The following TDRD3 variants were observed in gnomAD, a reference collection of about 807,000 sequenced individuals.
The protein encoded by TDRD3 is tudor domain-containing protein 3.
In TDRD3, 45 loss-of-function variants were observed where a neutral mutation model predicts 86.7. The ratio of observed to expected loss-of-function variants is 0.52; its 90% CI spans 0.41 to 0.67. The LOEUF (loss-of-function observed/expected upper bound fraction) is 0.67. Ranked by LOEUF, TDRD3 falls within the 30% of genes least tolerant of loss-of-function variation. TDRD3 has a pLI of 0.00. For missense variants in TDRD3, 814 were observed against 889.0 expected (o/e 0.92, Z 1.07); for synonymous variants, 298 against 301.7 (o/e 0.99, Z 0.13).
At chr13:60,395,936 A>C (rs1000900604), upstream of TDRD3, among the ~76,000 whole-genome samples, 1 of 152,236 alleles carries the variant, frequency 6.6e-6, no homozygotes, top group Non-Finnish European at 1.5e-5. Context: ...AGCAAATCTC[A>C]ATAGCATTCC....
At chr13:60,497,024 C>T (rs139879259) in intron 8 of TDRD3, among the ~76,000 whole-genome samples, 30 of 152,252 alleles carry the variant, frequency 2.0e-4, no homozygotes, top group South Asian at 6.2e-4. Context: ...TCAATTAGGA[C>T]GAACCGGGGA....
intron 2 of TDRD3, among the ~76,000 whole-genome samples, 153 bp downstream of exon 2, chr13:60,439,925 TTAA>T (rs1203986236): frequency 6.6e-5 from 10 of 152,186 alleles, no homozygotes; most frequent in African/African-American, 2.4e-4. Flanking sequence ...TTTGTTGAAT[TTAA>T]TAATCTCATA....
intron 1 of TDRD3, among the ~76,000 whole-genome samples, chr13:60,438,883 TA>T (rs5804003): frequency 0.11 from 17,028 of 152,036 alleles, 1,292 homozygotes; most frequent in African/African-American, 0.21. Flanking sequence ...ATACTGATTA[TA>T]AAAAATGTGA....
At chr13:60,400,137 T>G in intron 1 of TDRD3, among the ~76,000 whole-genome samples, 1 of 152,358 alleles carries the variant, frequency 6.6e-6, no homozygotes, top group African/African-American at 2.4e-5. Context: ...ATGCACTAAA[T>G]GGTACCTTGT....
chr13:60,426,174 A>C (rs919031438), intron 1 of TDRD3, among the ~76,000 whole-genome samples: 5 of 152,214 alleles, frequency 3.3e-5, no homozygotes, highest in Non-Finnish European at 7.3e-5. Flanking sequence ...AGCCAGACAC[A>C]GAAAGAAAAG....
chr13:60,396,046 C>T (rs1194212916), upstream of TDRD3, among the ~76,000 whole-genome samples: 1 of 152,182 alleles, frequency 6.6e-6, no homozygotes, highest in Non-Finnish European at 1.5e-5. Context: ...GGAATTTTAG[C>T]TCCACCCAGG....
At chr13:60,463,457 A>C (rs1955846695) in intron 4 of TDRD3, among the ~76,000 whole-genome samples, 1 of 152,006 alleles carries the variant, frequency 6.6e-6, no homozygotes, top group African/African-American at 2.4e-5. Context: ...CTGGGCAAAA[A>C]TTTTTTGGAT....
Position 60,458,657 on chromosome 13 carries a change from A to G in TDRD3, c.193-1723A>G, listed in dbSNP as rs75601805. Among the ~76,000 whole-genome samples the G allele has an allele frequency of 8.0e-3, 1,212 of 152,314 alleles. 20 individuals carry two copies. Among genetic ancestry groups the G allele is most frequent in the African/African-American group, 0.027 (1,137 of 41,558 alleles). On this transcript the variant is annotated intron_variant, in intron 3 of 13. Transcript: ENST00000377881. ...GGCCTAGATCATCACCAACTGTGTG[A>G]TGGTTTTTTTGCAATGATGAAAGTG...
chr13:60,557,820 ATTTTTTTTTTTT>A (rs749028045), intron 12 of TDRD3, among the ~76,000 whole-genome samples: 1 of 88,252 alleles, frequency 1.1e-5, no homozygotes, highest in African/African-American at 4.1e-5. Context: ...TTTTTTCCTG[ATTTTTTTTTTTT>A]TTTTTTTTTT....
intron 3 of TDRD3, among the ~76,000 whole-genome samples, chr13:60,450,058 A>G (rs1469245085): frequency 2.0e-5 from 3 of 152,126 alleles, no homozygotes; most frequent in Non-Finnish European, 4.4e-5. Flanking sequence ...CATGTTAAAT[A>G]ATTTATATGT....
chr13:60,411,213 A>G (rs1954357108), intron 1 of TDRD3, among the ~76,000 whole-genome samples: 1 of 152,234 alleles, frequency 6.6e-6, no homozygotes, highest in African/African-American at 2.4e-5. Flanking sequence ...ATATAATTAG[A>G]TGTAGTTTCT....
chr13:60,467,380 G>A lies in TDRD3; in HGVS notation c.495+1G>A. On this transcript the variant is annotated splice_donor_variant, in intron 5 of 13. Transcript: ENST00000377881. LOFTEE classifies it high-confidence loss of function. ...TATTGAGAAATGGGAGTTACAGAGAGTAAGTGTAAACTATGGCTTGAACTT... is the reference window on the plus strand; with the variant it reads ...TATTGAGAAATGGGAGTTACAGAGAATAAGTGTAAACTATGGCTTGAACTT... 2.5e-6 allele frequency: 4 copies of A among 1,613,110 alleles called. No individual in the cohort carries two copies. Among genetic ancestry groups the A allele is most frequent in the Non-Finnish European group, 3.4e-6 (4 of 1,179,578 alleles).
At chr13:60,421,411 C>T (rs1293393130) in intron 1 of TDRD3, among the ~76,000 whole-genome samples, 5 of 152,214 alleles carry the variant, frequency 3.3e-5, no homozygotes, top group African/African-American at 1.2e-4. Context: ...GATTCAATTA[C>T]TTCCCACTGG....
At position 60,491,513 on chromosome 13, in the gene TDRD3, G is replaced by T. The variant is rs528394799; in HGVS notation, c.718-2922G>T. The stretch of plus-strand genomic sequence containing the variant: ...GATGGCAGAAGTGGAACCAGCCAAG[G>T]TGTGACCAGTAACAGGATAAAAACA... On this transcript the variant is annotated intron_variant, in intron 7 of 13. Transcript: ENST00000377881. Among the ~76,000 whole-genome samples, 13 of 152,292 alleles carry T rather than the reference G, an allele frequency of 8.5e-5. 1 individual carries two copies. In the South Asian group the frequency reaches 1.9e-3, roughly 22 times the overall value.
At chr13:60,493,186 A>G (rs919995489) in intron 7 of TDRD3, among the ~76,000 whole-genome samples, 4 of 151,646 alleles carry the variant, frequency 2.6e-5, no homozygotes, top group African/African-American at 9.7e-5. Context: ...CCAAAGTGCT[A>G]GGATTACAGG....
chr13:60,406,688 G>T (rs1954242430), intron 1 of TDRD3, among the ~76,000 whole-genome samples: 1 of 152,100 alleles, frequency 6.6e-6, no homozygotes, highest in African/African-American at 2.4e-5. Flanking sequence ...AACAGAAAAT[G>T]GACATATCTT....
chr13:60,480,130 TC>T (rs1166483452), intron 5 of TDRD3, among the ~76,000 whole-genome samples: 3 of 152,192 alleles, frequency 2.0e-5, no homozygotes, highest in Non-Finnish European at 4.4e-5. Context: ...ATGACAGGTA[TC>T]ATTTCTTCAT....
chr13:60,397,321 A>AAAACC lies in TDRD3; in HGVS notation c.-44_-43insAAACC. 1.8e-6 allele frequency: 2 copies of AAAACC among 1,113,166 alleles called. No individual in the cohort carries two copies. Among genetic ancestry groups the AAAACC allele is most frequent in the Non-Finnish European group, 2.4e-6 (2 of 829,452 alleles). The allele number at this position is 1,113,166 out of a possible 1,614,324, so 69.0% of individuals were successfully genotyped here. A position where few individuals can be genotyped will look rare whatever the true frequency, so the allele number is the denominator to read the frequency against. ...GTCTCAAGTAGGAGGCCTCCCCATC[A>AAAACC]CCCCCACCCCAGCCCCCCACCACCC... On this transcript the variant is annotated 5_prime_UTR_variant, in exon 1 of 14. The change abolishes the stop of an existing upstream ORF in the 5' untranslated region. Coordinates refer to ENST00000377881, the MANE Select transcript of TDRD3 (RefSeq NM_001146070.2).
intron 1 of TDRD3, among the ~76,000 whole-genome samples, chr13:60,418,569 C>A (rs933175511): frequency 6.6e-6 from 1 of 152,082 alleles, no homozygotes; most frequent in Non-Finnish European, 1.5e-5. Context: ...AATAAATAAA[C>A]TGAATGGACT....
Sources: allele counts gnomAD v4.1 joint callset (sites outside exome capture counted in the v4.1 genomes callset), GRCh38; gene constraint gnomAD v4.1.1; transcripts MANE v1.5; gene names NCBI Gene and HGNC (gene_info 2026-07-23, HGNC 2026-07-21).